Variants in CFAP299 observed in about 807,000 individuals in gnomAD.
CFAP299 encodes cilia and flagella associated protein 299, also known as cilia- and flagella-associated protein 299.
A neutral mutation model predicts 27.0 loss-of-function variants in CFAP299; 21 were observed. That is an observed-to-expected ratio of 0.78 (90% CI 0.55 to 1.12). The LOEUF (loss-of-function observed/expected upper bound fraction) is 1.12. Ranked by LOEUF, CFAP299 falls within the 50% of genes most tolerant of loss-of-function variation. The pLI is 0.00. For missense variants in CFAP299, 310 were observed against 276.6 expected (o/e 1.12, Z -0.86); for synonymous variants, 104 against 98.1 (o/e 1.06, Z -0.36).
At chr4:80,783,353 C>T (rs576473748) in intron 3 of CFAP299, among the ~76,000 whole-genome samples, 1 of 152,156 alleles carries the variant, frequency 6.6e-6, no homozygotes, top group Admixed American at 6.6e-5. Flanking sequence ...AGGCAGGGAC[C>T]ATTGGGGGCC....
At chr4:80,695,115 C>A (rs1721003993) in intron 3 of CFAP299, among the ~76,000 whole-genome samples, 1 of 152,012 alleles carries the variant, frequency 6.6e-6, no homozygotes, top group African/African-American at 2.4e-5. Flanking sequence ...TGGATGGTTT[C>A]CATATTTGGG....
At chr4:80,373,826 G>A (rs1578368575) in intron 2 of CFAP299, among the ~76,000 whole-genome samples, 1 of 152,172 alleles carries the variant, frequency 6.6e-6, no homozygotes, top group Non-Finnish European at 1.5e-5. Context: ...TTCAGCCCTG[G>A]AATGCATTGG....
chr4:80,885,184 T>C (rs532761001), intron 4 of CFAP299, among the ~76,000 whole-genome samples: 1 of 152,320 alleles, frequency 6.6e-6, no homozygotes, highest in East Asian at 1.9e-4. Flanking sequence ...CCTAGCCAGA[T>C]GGCAATTGCC....
Position 80,660,550 on chromosome 4 carries a change from AT to A in CFAP299, c.333+77370del, listed in dbSNP as rs1369133544. On this transcript the variant is annotated intron_variant, in intron 3 of 5. Coordinates refer to ENST00000358105, the MANE Select transcript of CFAP299 (RefSeq NM_152770.3). ...TTGCAGATCAAATGAGATATCTTAC[AT>A]TTGCTTTAACAAAACAAAACTGTTA... Among the ~76,000 whole-genome samples the A allele has an allele frequency of 2.6e-5, 4 of 152,188 alleles. No individual in the cohort carries two copies. The East Asian group carries it at 7.7e-4, about 29-fold the overall frequency.
At chr4:80,802,684 A>C (rs145153254) in intron 3 of CFAP299, among the ~76,000 whole-genome samples, 4 of 152,032 alleles carry the variant, frequency 2.6e-5, no homozygotes, top group African/African-American at 9.7e-5. Flanking sequence ...CTCCTTCACT[A>C]AGCATAATTT....
intron 2 of CFAP299, among the ~76,000 whole-genome samples, chr4:80,390,761 GTA>G (rs1214691123): frequency 2.9e-5 from 4 of 137,544 alleles, no homozygotes; most frequent in Admixed American, 7.4e-5. Context: ...ACACACATAT[GTA>G]TATATGTATA....
intron 3 of CFAP299, among the ~76,000 whole-genome samples, chr4:80,757,006 G>A (rs1175251166): frequency 6.6e-6 from 1 of 152,152 alleles, no homozygotes; most frequent in Non-Finnish European, 1.5e-5. Flanking sequence ...CCCCAAGAAT[G>A]TGAACACCAC....
chr4:80,942,085 A>G (rs1349046555), intron 4 of CFAP299, among the ~76,000 whole-genome samples: 3 of 152,218 alleles, frequency 2.0e-5, no homozygotes, highest in Non-Finnish European at 4.4e-5. Flanking sequence ...ATGGTTTTTG[A>G]TGGGCCCACA....
chr4:80,388,176 G>GA (rs1318567210), intron 2 of CFAP299: 1 of 685,442 alleles, frequency 1.5e-6, no homozygotes, highest in Admixed American at 2.0e-5. Context: ...AGTGGTGGAG[G>GA]AGGGGGTGAA....
chr4:80,897,035 G>A (rs1389500564), intron 4 of CFAP299, among the ~76,000 whole-genome samples: 1 of 152,086 alleles, frequency 6.6e-6, no homozygotes, highest in East Asian at 1.9e-4. Flanking sequence ...GAAGGGCACG[G>A]CATTACAAAT....
At chr4:80,685,488 G>C (rs934158243) in intron 3 of CFAP299, among the ~76,000 whole-genome samples, 1 of 151,924 alleles carries the variant, frequency 6.6e-6, no homozygotes, top group African/African-American at 2.4e-5. Flanking sequence ...TGTTGGATAG[G>C]TTCTTGTATA....
At chr4:80,756,496 AT>A (rs1553956905) in intron 3 of CFAP299, among the ~76,000 whole-genome samples, 1 of 152,060 alleles carries the variant, frequency 6.6e-6, no homozygotes, top group Non-Finnish European at 1.5e-5. Context: ...TAAGAATGTT[AT>A]TTACATTATT....
intron 2 of CFAP299, chr4:80,387,568 G>C: frequency 1.0e-6 from 1 of 995,264 alleles, no homozygotes; most frequent in Non-Finnish European, 1.6e-6. Context: ...CTGCCTACTG[G>C]GGTTCAGGGC....
intron 2 of CFAP299, among the ~76,000 whole-genome samples, chr4:80,485,384 A>G (rs1730762813): frequency 6.6e-6 from 1 of 152,008 alleles, no homozygotes; most frequent in East Asian, 1.9e-4. Flanking sequence ...AATGGTTTGC[A>G]TAAGTGATTG....
intron 2 of CFAP299, among the ~76,000 whole-genome samples, chr4:80,450,979 G>T (rs1051866454): frequency 2.0e-5 from 3 of 151,730 alleles, no homozygotes; most frequent in Admixed American, 6.6e-5. Flanking sequence ...ACCCAGCCCT[G>T]TAGGTAGCAG....
chr4:80,897,742 T>C (rs1734676556), intron 4 of CFAP299, among the ~76,000 whole-genome samples: 1 of 152,250 alleles, frequency 6.6e-6, no homozygotes, highest in African/African-American at 2.4e-5. Flanking sequence ...ATGCCTTTTC[T>C]GTATAATCTA....
At chr4:80,938,226 T>C (rs1737013927) in intron 4 of CFAP299, among the ~76,000 whole-genome samples, 1 of 152,222 alleles carries the variant, frequency 6.6e-6, no homozygotes, top group African/African-American at 2.4e-5. Context: ...GGCCATATAC[T>C]GGCCCCAAAA....
intron 3 of CFAP299, among the ~76,000 whole-genome samples, chr4:80,691,562 C>G (rs1484958940): frequency 1.3e-5 from 2 of 151,976 alleles, no homozygotes; most frequent in African/African-American, 2.4e-5. Context: ...TAGGAGCTAT[C>G]TATGACAAAC....
chr4:80,745,543 A>G (rs1724536118), intron 3 of CFAP299, among the ~76,000 whole-genome samples: 1 of 152,100 alleles, frequency 6.6e-6, no homozygotes, highest in South Asian at 2.1e-4. Flanking sequence ...ATATTTAAAT[A>G]AACTTTTTAT....
Sources: allele counts gnomAD v4.1 joint callset (sites outside exome capture counted in the v4.1 genomes callset), GRCh38; gene constraint gnomAD v4.1.1; transcripts MANE v1.5; gene names NCBI Gene and HGNC (gene_info 2026-07-23, HGNC 2026-07-21).